KAZN: variants seen among roughly 807,000 people sequenced by gnomAD.
KAZN encodes the protein kazrin.
A neutral mutation model predicts 87.4 loss-of-function variants in KAZN; 40 were observed. The ratio of observed to expected loss-of-function variants is 0.46; its 90% CI spans 0.36 to 0.60. The LOEUF (loss-of-function observed/expected upper bound fraction) is 0.60. Among genes scored for constraint, KAZN ranks in the 20% least tolerant of loss-of-function variants. KAZN has a pLI of 0.00. For missense variants in KAZN, 898 were observed against 1,073.9 expected, an observed-to-expected ratio of 0.84 and a Z score of 2.29; for synonymous variants, 466 against 458.3, an observed-to-expected ratio of 1.02 and a Z score of -0.22.
intron 1 of KAZN, among the ~76,000 whole-genome samples, chr1:14,780,916 G>A (rs1383400225): frequency 3.3e-5 from 5 of 152,200 alleles, no homozygotes; most frequent in African/African-American, 1.2e-4. Flanking sequence ...AGAGGATTCG[G>A]TGTTCGGAAA....
At chr1:14,894,908 G>A (rs1415354729) in intron 1 of KAZN, among the ~76,000 whole-genome samples, 1 of 152,250 alleles carries the variant, frequency 6.6e-6, no homozygotes, top group African/African-American at 2.4e-5. Flanking sequence ...TAGGTTTGCC[G>A]GTCCAGCCAG....
chr1:15,108,946 T>G (rs769874842), intron 13 of KAZN, among the ~76,000 whole-genome samples: 1 of 152,218 alleles, frequency 6.6e-6, no homozygotes, highest in African/African-American at 2.4e-5. Flanking sequence ...TGTTTTCATC[T>G]TATCCAAAGG....
At chr1:14,324,792 A>G (rs1415684090) in intron 2 of KAZN, among the ~76,000 whole-genome samples, 1 of 152,186 alleles carries the variant, frequency 6.6e-6, no homozygotes, top group Non-Finnish European at 1.5e-5. Context: ...TAATTTGTCC[A>G]CTGAAAATAT....
chr1:15,019,000 C>A (rs115909819), intron 2 of KAZN, among the ~76,000 whole-genome samples: 2 of 152,176 alleles, frequency 1.3e-5, no homozygotes, highest in Non-Finnish European at 2.9e-5. Context: ...AGGCACATGG[C>A]GGGCGGGAGG....
chr1:14,486,546 T>G (rs1018132898), intron 2 of KAZN, among the ~76,000 whole-genome samples: 2 of 152,214 alleles, frequency 1.3e-5, no homozygotes, highest in African/African-American at 4.8e-5. Context: ...CTTGGAAACA[T>G]TCCTGCTTTT....
intron 2 of KAZN, among the ~76,000 whole-genome samples, chr1:14,579,694 A>T (rs1271057141): frequency 6.6e-6 from 1 of 152,204 alleles, no homozygotes; most frequent in African/African-American, 2.4e-5. Context: ...GCTGAAAAAA[A>T]AATTTTTTTA....
At chr1:14,720,500 T>C (rs778006857) in intron 1 of KAZN, among the ~76,000 whole-genome samples, 2 of 152,236 alleles carry the variant, frequency 1.3e-5, no homozygotes, top group Non-Finnish European at 2.9e-5. Flanking sequence ...ATTTAGGGCA[T>C]CTACCTGTGC....
At chr1:14,999,546 A>G (rs1021231995) in intron 2 of KAZN, among the ~76,000 whole-genome samples, 1 of 128,072 alleles carries the variant, frequency 7.8e-6, no homozygotes, top group Non-Finnish European at 1.6e-5. Context: ...CTTGAGTTCC[A>G]TGAGGCCTTC....
chr1:14,187,608 G>A (rs1417357414), intron 2 of KAZN, among the ~76,000 whole-genome samples: 2 of 152,128 alleles, frequency 1.3e-5, no homozygotes, highest in Non-Finnish European at 2.9e-5. Flanking sequence ...GGTGACATCT[G>A]GCAATGTCTG....
intron 1 of KAZN, among the ~76,000 whole-genome samples, chr1:14,913,189 G>T (rs1480478709): frequency 6.6e-6 from 1 of 152,172 alleles, no homozygotes; most frequent in Non-Finnish European, 1.5e-5. Context: ...GTTTCAGGGG[G>T]AGTTGGGATT....
chr1:14,303,319 C>T (rs1000773445), intron 2 of KAZN, among the ~76,000 whole-genome samples: 1 of 152,160 alleles, frequency 6.6e-6, no homozygotes, highest in African/African-American at 2.4e-5. Flanking sequence ...TCTTGGCTCA[C>T]TGCAACCTCC....
chr1:13,926,239 G>C (rs1640272537), intron 1 of KAZN, among the ~76,000 whole-genome samples: 1 of 152,056 alleles, frequency 6.6e-6, no homozygotes. Context: ...ACTACCCAGA[G>C]TGGGCAGGAC....
chr1:14,829,833 G>C (rs1283311800), intron 1 of KAZN, among the ~76,000 whole-genome samples: 2 of 152,236 alleles, frequency 1.3e-5, no homozygotes, highest in African/African-American at 4.8e-5. Context: ...GACCATATGA[G>C]CCAACCTGAG....
intron 2 of KAZN, among the ~76,000 whole-genome samples, chr1:14,998,387 G>A (rs1414944659): frequency 6.9e-6 from 1 of 144,618 alleles, no homozygotes; most frequent in East Asian, 2.0e-4. Context: ...AGGCAGAGAG[G>A]AGAGGCTGTG....
At position 14,737,090 on chromosome 1, in the gene KAZN, T is replaced by A. The variant is rs1643931557; in HGVS notation, c.226+137867T>A. Among the ~76,000 whole-genome samples, 4 of 151,984 alleles carry A rather than the reference T, an allele frequency of 2.6e-5. No individual in the cohort carries two copies. The South Asian group carries it at 8.3e-4, about 32-fold the overall frequency. The stretch of plus-strand genomic sequence containing the variant: ...AGGGAGGGAGGCTGCTGGGAGCAAA[T>A]GTGACAACTTTAAGTTGGGAGATCA... On this transcript the variant is annotated intron_variant, in intron 1 of 14. Transcript: ENST00000376030.
At chr1:14,027,234 C>G (rs959486797) in intron 1 of KAZN, among the ~76,000 whole-genome samples, 1 of 152,146 alleles carries the variant, frequency 6.6e-6, no homozygotes, top group Non-Finnish European at 1.5e-5. Context: ...GTTTATATTT[C>G]TGATTTTCCT....
At chr1:14,001,916 A>T (rs1249939543) in intron 1 of KAZN, among the ~76,000 whole-genome samples, 1 of 152,234 alleles carries the variant, frequency 6.6e-6, no homozygotes, top group African/African-American at 2.4e-5. Context: ...AAACCTAGAC[A>T]GTACCATTCA....
At chr1:14,048,824 TA>T (rs1557431981) in intron 1 of KAZN, among the ~76,000 whole-genome samples, 1 of 152,222 alleles carries the variant, frequency 6.6e-6, no homozygotes, top group Non-Finnish European at 1.5e-5. Flanking sequence ...TTTCTAGTTC[TA>T]GATCCCTGAG....
chr1:13,924,712 C>T (rs952769184), intron 1 of KAZN, among the ~76,000 whole-genome samples: 20 of 152,194 alleles, frequency 1.3e-4, no homozygotes, highest in African/African-American at 4.8e-4. Context: ...GCAATTGCTT[C>T]GAGTTGTCTC....
Sources: allele counts gnomAD v4.1 joint callset (sites outside exome capture counted in the v4.1 genomes callset), GRCh38; gene constraint gnomAD v4.1.1; transcripts MANE v1.5; gene names NCBI Gene and HGNC (gene_info 2026-07-23, HGNC 2026-07-21).